Variants in CDH23 observed in about 807,000 individuals in gnomAD.
The protein encoded by CDH23 is cadherin-23.
Under a neutral mutation model 317.1 loss-of-function variants are expected in CDH23, and 189 were observed. The ratio of observed to expected loss-of-function variants is 0.60; its 90% CI spans 0.53 to 0.67. CDH23 has a LOEUF of 0.67. CDH23 is among the 30% of genes least tolerant of loss of function. CDH23 has a pLI of 0.00. For missense variants in CDH23, 4,401 were observed against 4,592.4 expected, an observed-to-expected ratio of 0.96 and a Z score of 1.20; for synonymous variants, 1,839 against 1,876.8, an observed-to-expected ratio of 0.98 and a Z score of 0.52.
At chr10:71,656,159 G>C (rs1198213865) in intron 14 of CDH23, among the ~76,000 whole-genome samples, 1 of 152,176 alleles carries the variant, frequency 6.6e-6, no homozygotes, top group East Asian at 1.9e-4. Context: ...CAAGGGTAGG[G>C]AGGTGTAATG....
chr10:71,433,505 T>C (rs898175811), intron 1 of CDH23, among the ~76,000 whole-genome samples: 2 of 152,142 alleles, frequency 1.3e-5, no homozygotes, highest in Admixed American at 1.3e-4. Flanking sequence ...CTGGTGGCGG[T>C]AAGCACCACC....
At chr10:71,746,679 G>A (rs997152553) in intron 38 of CDH23, among the ~76,000 whole-genome samples, 6 of 152,182 alleles carry the variant, frequency 3.9e-5, no homozygotes, top group African/African-American at 1.2e-4. Context: ...CAACCTCAGA[G>A]GCACTTGGCA....
In CDH23 at chr10:71,805,917, G is replaced by A. The variant is rs1841700555; in HGVS notation, c.7984G>A (p.Glu2662Lys). The A allele has an allele frequency of 6.2e-7, 1 of 1,613,176 alleles. No homozygotes were observed. Among genetic ancestry groups the A allele is most frequent in the Non-Finnish European group, 8.5e-7 (1 of 1,179,508 alleles). Residue 2662 changes from glutamate (E) to lysine (K), a missense_variant, in exon 56 of 70, where the codon GAG (glutamate) becomes AAG (lysine). Glu to Lys is a moderately conservative substitution (Grantham distance 56). Transcript: ENST00000224721. ...GAAGACTGCGGGCAACCGGGACTGG[G>A]AGTTCTTCATCATCGACCCAATCAG... is the stretch of plus-strand genomic sequence containing the variant. ...FLKTAGNRDW[E>K]FFIIDPISGL... is the part of the protein sequence containing the mutation.
intron 3 of CDH23, among the ~76,000 whole-genome samples, chr10:71,484,152 G>C (rs943224832): frequency 2.0e-5 from 3 of 152,174 alleles, no homozygotes; most frequent in Non-Finnish European, 2.9e-5. Context: ...GAGGACGCGA[G>C]AACAGTCGAG....
chr10:71,435,690 C>G (rs1053367083), intron 1 of CDH23, among the ~76,000 whole-genome samples: 2 of 152,180 alleles, frequency 1.3e-5, no homozygotes, highest in African/African-American at 4.8e-5. Context: ...GGTGGGAGCT[C>G]AGGCCGCATC....
intron 2 of CDH23, among the ~76,000 whole-genome samples, chr10:71,442,411 CT>C (rs1849932046): frequency 6.6e-6 from 1 of 152,140 alleles, no homozygotes; most frequent in African/African-American, 2.4e-5. Context: ...CTAGACACCC[CT>C]GACCTAGCCC....
At chr10:71,465,421 C>G (rs1330767307) in intron 3 of CDH23, among the ~76,000 whole-genome samples, 1 of 152,242 alleles carries the variant, frequency 6.6e-6, no homozygotes, top group Non-Finnish European at 1.5e-5. Flanking sequence ...TCTCTAGCCA[C>G]GAGGCATTTG....
At chr10:71,454,760 A>C (rs1020957432) in intron 3 of CDH23, among the ~76,000 whole-genome samples, 1 of 152,216 alleles carries the variant, frequency 6.6e-6, no homozygotes, top group Non-Finnish European at 1.5e-5. Context: ...TTCTACCATC[A>C]GAGTGAAATC....
At chr10:71,426,573 T>TG (rs1326047209) in intron 1 of CDH23, among the ~76,000 whole-genome samples, 1 of 151,450 alleles carries the variant, frequency 6.6e-6, no homozygotes, top group Non-Finnish European at 1.5e-5. Context: ...GGGAGGCAAG[T>TG]GGGGGCTGCG....
chr10:71,465,934 G>A (rs1851231552), intron 3 of CDH23, among the ~76,000 whole-genome samples: 1 of 152,238 alleles, frequency 6.6e-6, no homozygotes, highest in Non-Finnish European at 1.5e-5. Flanking sequence ...TTTCTCCGGA[G>A]GGTGGGAGGA....
rs563039206 is a variant in CDH23 at position 71,801,142 on chromosome 10, C to T, written c.7482+387C>T. Among the ~76,000 whole-genome samples the T allele has an allele frequency of 5.3e-5, 7 of 133,218 alleles. 1 individual carries two copies. In the East Asian group the frequency reaches 1.4e-3, roughly 27 times the overall value. 87.4% of individuals were successfully genotyped at this position (133,218 alleles called of 152,430 possible). On this transcript the variant is annotated intron_variant, in intron 53 of 69. Transcript: ENST00000224721. ...AAAGGAATCATCTTTATTTATGTCT[C>T]TCTCTCTCTTTTTTTTTTTTTTTTT...
At chr10:71,475,914 G>T (rs1188031641) in intron 3 of CDH23, among the ~76,000 whole-genome samples, 4 of 152,222 alleles carry the variant, frequency 2.6e-5, no homozygotes, top group African/African-American at 9.6e-5. Context: ...TTTCCCATCT[G>T]CCATGTGGCC....
At chr10:71,684,092 C>G (rs533943979) in intron 18 of CDH23, among the ~76,000 whole-genome samples, 76 of 103,272 alleles carry the variant, frequency 7.4e-4, no homozygotes, top group Non-Finnish European at 1.3e-3. Flanking sequence ...AAAAAACAAA[C>G]AAACAAACAA....
intron 9 of CDH23, among the ~76,000 whole-genome samples, chr10:71,583,266 T>C (rs1858774309): frequency 6.6e-6 from 1 of 150,444 alleles, no homozygotes; most frequent in Admixed American, 6.6e-5. Flanking sequence ...GGGGGTCCGG[T>C]GCTGAGGCCG....
chr10:71,615,555 T>C lies in CDH23; in HGVS notation c.884T>C (p.Leu295Ser). The change falls in exon 10 of 70, where the codon TTG becomes TCG. Residue 295 changes from leucine (L) to serine (S), a missense_variant. By Grantham distance (145) the Leu-to-Ser change is moderately radical (BLOSUM62 -2). Coordinates refer to ENST00000224721, the MANE Select transcript of CDH23 (RefSeq NM_022124.6). ...GACTACATCAGCGGAGTGCTGACCT[T>C]GAATGGCCTGCTGGACCGGGAGAAC... Reference protein sequence around the residue: ...ALDYISGVLTLNGLLDRENPL... With the variant: ...ALDYISGVLTSNGLLDRENPL... 6.2e-7 allele frequency: 1 copy of C among 1,613,924 alleles called. No homozygotes were observed. Among genetic ancestry groups the C allele is most frequent in the Non-Finnish European group, 8.5e-7 (1 of 1,179,878 alleles).
intron 10 of CDH23, 72 bp from the exon 11 acceptor site, chr10:71,617,133 A>C (rs1861228679): frequency 6.6e-7 from 1 of 1,526,200 alleles, no homozygotes; most frequent in Admixed American, 1.9e-5. Flanking sequence ...GTGCTGAGAA[A>C]GTCTTTGGTA....
intron 7 of CDH23, among the ~76,000 whole-genome samples, chr10:71,568,753 G>C (rs1564658438): frequency 6.6e-6 from 1 of 152,182 alleles, no homozygotes; most frequent in Non-Finnish European, 1.5e-5. Context: ...CACTGAGCTG[G>C]TACCAGGATG....
chr10:71,488,794 T>C (rs1337675230), intron 3 of CDH23, among the ~76,000 whole-genome samples: 1 of 152,244 alleles, frequency 6.6e-6, no homozygotes, highest in Non-Finnish European at 1.5e-5. Flanking sequence ...CATTGACTAA[T>C]TAAATAGCCT....
At chr10:71,682,845 G>A (rs1295385326) in intron 18 of CDH23, among the ~76,000 whole-genome samples, 1 of 152,194 alleles carries the variant, frequency 6.6e-6, no homozygotes, top group African/African-American at 2.4e-5. Context: ...GGGGGCCCCA[G>A]GACACCCTCG....
Sources: gnomAD v4.1 joint callset for allele counts (sites outside exome capture counted in the v4.1 genomes callset) on GRCh38, gnomAD v4.1.1 for gene constraint, MANE v1.5 for transcripts, NCBI Gene and HGNC (gene_info 2026-07-23, HGNC 2026-07-21) for gene names.